Variants in ZNF138 observed in about 807,000 individuals in gnomAD.
ZNF138 encodes zinc finger protein 138, also known as zinc finger protein 138 (clone pHZ-32).
A neutral mutation model predicts 33.0 loss-of-function variants in ZNF138; 33 were observed. The observed-to-expected ratio is 1.00, with a 90% CI of 0.76 to 1.34. The LOEUF (loss-of-function observed/expected upper bound fraction) is 1.34. ZNF138 is among the 40% of genes most tolerant of loss of function. The pLI, the probability that ZNF138 is intolerant of heterozygous loss-of-function variation, is 0.00. For missense variants in ZNF138, 360 were observed against 370.8 expected (o/e 0.97, Z 0.24); for synonymous variants, 139 against 120.4 (o/e 1.15, Z -1.01).
chr7:64,811,041 C>G (rs1788136964), intron 1 of ZNF138, among the ~76,000 whole-genome samples: 1 of 152,094 alleles, frequency 6.6e-6, no homozygotes, highest in Admixed American at 6.5e-5. Flanking sequence ...TAAATATAAA[C>G]ACAATAAAAA....
At chr7:64,809,495 AC>A (rs1394710925) in intron 1 of ZNF138, among the ~76,000 whole-genome samples, 36 of 352 alleles carry the variant, frequency 0.1, 14 homozygotes, top group South Asian at 0.33. Flanking sequence ...CGGGGGGCTG[AC>A]CCCCCCCACC....
chr7:64,794,938 C>T (rs1786568385), intron 1 of ZNF138, among the ~76,000 whole-genome samples: 1 of 152,148 alleles, frequency 6.6e-6, no homozygotes, highest in Admixed American at 6.5e-5. Context: ...CCCTGTCCCT[C>T]TTTTCCCCTA....
At chr7:64,821,330 C>T (rs1438252664) in intron 3 of ZNF138, among the ~76,000 whole-genome samples, 3 of 151,190 alleles carry the variant, frequency 2.0e-5, no homozygotes, top group Admixed American at 2.0e-4. Context: ...ACATTGTGAT[C>T]CACCCACCTC....
intron 1 of ZNF138, among the ~76,000 whole-genome samples, chr7:64,807,558 T>G (rs752982630): frequency 1.6e-4 from 25 of 152,202 alleles, no homozygotes; most frequent in Non-Finnish European, 3.2e-4. Flanking sequence ...CTTTGCCTCC[T>G]GTAACAGTCA....
the ZNF138 span, chr7:64,852,606 C>T: frequency 1.8e-5 from 28 of 1,519,326 alleles, no homozygotes; most frequent in Admixed American, 1.0e-4. Context: ...ATCAGAAGCC[C>T]GCCTGTCCTG....
downstream of ZNF138, chr7:64,835,358 A>T (rs1017665098): frequency 6.6e-6 from 1 of 152,266 alleles, no homozygotes; most frequent in African/African-American, 2.4e-5. Context: ...CGTAGGGGTG[A>T]AGTAACATCT....
chr7:64,794,557 G>A lies in ZNF138; in HGVS notation c.-12G>A, dbSNP rs1323231939. On this transcript the variant is annotated 5_prime_UTR_variant, in exon 1 of 4. Coordinates refer to ENST00000307355, the MANE Select transcript of ZNF138 (RefSeq NM_001271639.2). The stretch of plus-strand genomic sequence containing the variant: ...CACAGCTAAGACGCCAGGATCCCCC[G>A]GAAGCCTAGAAATGGTGAGAGTGCT... 1 of 1,613,544 alleles carries A rather than the reference G, an allele frequency of 6.2e-7. No individual in the cohort carries two copies. Among genetic ancestry groups the A allele is most frequent in the African/African-American group, 1.3e-5 (1 of 75,050 alleles).
chr7:64,837,294 C>T (rs191007504), downstream of ZNF138, among the ~76,000 whole-genome samples: 5 of 152,102 alleles, frequency 3.3e-5, no homozygotes, highest in African/African-American at 9.6e-5. Flanking sequence ...GGCCTTTCCA[C>T]GGGGGGAGAG....
intron 1 of ZNF138, among the ~76,000 whole-genome samples, chr7:64,810,869 G>A (rs1608896): frequency 0.99 from 150,038 of 152,250 alleles, 73,968 homozygotes; most frequent in East Asian, 1. Context: ...AGTGCTCACG[G>A]TATTCTGAAA....
intron 1 of ZNF138, among the ~76,000 whole-genome samples, chr7:64,808,086 A>G (rs140012418): frequency 1.1e-4 from 17 of 152,298 alleles, no homozygotes; most frequent in African/African-American, 3.8e-4. Context: ...GCCTAGGGTC[A>G]CTGGGAATCC....
chr7:64,831,221 TTGCATTG>T (rs1456782460), intron 3 of ZNF138: 1 of 1,218,260 alleles, frequency 8.2e-7, no homozygotes, highest in Non-Finnish European at 1.1e-6. Context: ...GTGTGGCTCT[TTGCATTG>T]TGCAAACCTG....
chr7:64,794,637 G>T, intron 1 of ZNF138, 66 bp downstream of exon 1: 1 of 1,609,340 alleles, frequency 6.2e-7, no homozygotes, highest in Admixed American at 1.7e-5. Flanking sequence ...GTCGGAAGTG[G>T]CTGTGGCAGT....
At chr7:64,851,522 C>G in the ZNF138 span, among the ~76,000 whole-genome samples, 1 of 152,030 alleles carries the variant, frequency 6.6e-6, no homozygotes, top group African/African-American at 2.4e-5. Context: ...AATCACTATA[C>G]AAAATATAAA....
chr7:64,827,856 C>T (rs1260768501), intron 3 of ZNF138, among the ~76,000 whole-genome samples: 1 of 152,086 alleles, frequency 6.6e-6, no homozygotes. Context: ...CCACCTCACA[C>T]CAATCAGTTG....
intron 1 of ZNF138, among the ~76,000 whole-genome samples, chr7:64,803,590 A>G (rs1787335405): frequency 6.6e-6 from 1 of 152,200 alleles, no homozygotes; most frequent in African/African-American, 2.4e-5. Context: ...GTGTTTGTAG[A>G]CAAACTGCAT....
At chr7:64,803,111 C>G (rs1044236378) in intron 1 of ZNF138, among the ~76,000 whole-genome samples, 1 of 152,044 alleles carries the variant, frequency 6.6e-6, no homozygotes, top group Non-Finnish European at 1.5e-5. Context: ...TTCTTTAAAG[C>G]ACTTAAATTA....
intron 1 of ZNF138, among the ~76,000 whole-genome samples, chr7:64,806,873 C>T (rs1787644909): frequency 6.6e-6 from 1 of 152,182 alleles, no homozygotes; most frequent in Admixed American, 6.5e-5. Context: ...AACAGGCTCC[C>T]CAAAATCTGG....
chr7:64,840,440 C>A, the ZNF138 span, among the ~76,000 whole-genome samples: 1 of 150,084 alleles, frequency 6.7e-6, no homozygotes, highest in African/African-American at 2.5e-5. Context: ...TTATTTTTCT[C>A]AATTTTTGTG....
intron 1 of ZNF138, among the ~76,000 whole-genome samples, chr7:64,812,356 C>T (rs939655983): frequency 6.6e-6 from 1 of 151,950 alleles, no homozygotes; most frequent in African/African-American, 2.4e-5. Flanking sequence ...GAGAAGGTTT[C>T]GCCATGTTGG....
Sources: allele counts gnomAD v4.1 joint callset (sites outside exome capture counted in the v4.1 genomes callset), GRCh38; gene constraint gnomAD v4.1.1; transcripts MANE v1.5; gene names NCBI Gene and HGNC (gene_info 2026-07-23, HGNC 2026-07-21).